DPP10: variants seen among roughly 807,000 people sequenced by gnomAD.
The protein encoded by DPP10 is dipeptidyl peptidase like 10, also known as inactive dipeptidyl peptidase 10.
DPP10 carries 33 observed loss-of-function variants against 120.9 expected under a neutral mutation model. The ratio of observed to expected loss-of-function variants is 0.27; its 90% CI spans 0.21 to 0.37. DPP10 has a LOEUF of 0.37. Among genes scored for constraint, DPP10 ranks in the 10% least tolerant of loss-of-function variants. DPP10 has a pLI of 1.00. For missense variants in DPP10, 816 were observed against 942.8 expected (o/e 0.87, Z 1.76); for synonymous variants, 337 against 326.1 (o/e 1.03, Z -0.36).
intron 1 of DPP10, among the ~76,000 whole-genome samples, chr2:114,702,627 A>G (rs1320093604): frequency 6.6e-6 from 1 of 152,100 alleles, no homozygotes; most frequent in South Asian, 2.1e-4. Context: ...TAAAATGCCT[A>G]TTTCATTCCT....
chr2:115,622,580 G>A (rs2085040529), intron 5 of DPP10, among the ~76,000 whole-genome samples: 1 of 141,220 alleles, frequency 7.1e-6, no homozygotes, highest in Non-Finnish European at 1.5e-5. Flanking sequence ...TAGGAGTACA[G>A]TTGCTGAGTC....
At chr2:115,692,421 A>AT (rs1271152416) in intron 7 of DPP10, among the ~76,000 whole-genome samples, 1 of 151,816 alleles carries the variant, frequency 6.6e-6, no homozygotes, top group Admixed American at 6.6e-5. Context: ...TGGATATGTG[A>AT]TTTTTTTCTT....
intron 17 of DPP10, among the ~76,000 whole-genome samples, chr2:115,783,291 T>C (rs773764001): frequency 4.9e-4 from 74 of 152,122 alleles, no homozygotes; most frequent in South Asian, 1.0e-3. Context: ...GTCATACTAA[T>C]AAATGGCAGA....
chr2:114,468,397 C>CAAAAAAAAAAAA lies in DPP10; in HGVS notation c.60+25572_60+25583dup, dbSNP rs71297186. On this transcript the variant is annotated intron_variant, in intron 1 of 25. Coordinates refer to ENST00000410059, the MANE Select transcript of DPP10 (RefSeq NM_020868.6). ...GGATGACCTTGTCAGGCTTACAATG[C>CAAAAAAAAAAAA]AAAAAAAAAAAAAAAAAAAAAAAAT... Among the ~76,000 whole-genome samples the CAAAAAAAAAAAA allele has an allele frequency of 2.3e-3, 161 of 69,506 alleles. 1 individual carries two copies. The highest frequency in any genetic ancestry group is 0.01 in the Middle Eastern group (1 of 100). The allele number at this position is 69,506 out of a possible 152,430, so 45.6% of individuals were successfully genotyped here. A position where few individuals can be genotyped will look rare whatever the true frequency, so the allele number is the denominator to read the frequency against.
chr2:115,201,995 G>T (rs895870826), intron 1 of DPP10, among the ~76,000 whole-genome samples: 1 of 152,252 alleles, frequency 6.6e-6, no homozygotes, highest in Middle Eastern at 3.4e-3. Context: ...GCATGATTCA[G>T]GGTTCTCAAT....
intron 1 of DPP10, among the ~76,000 whole-genome samples, chr2:115,030,504 G>A (rs1051981323): frequency 2.0e-5 from 3 of 152,022 alleles, no homozygotes; most frequent in Non-Finnish European, 4.4e-5. Context: ...TTTTAAGTTC[G>A]GGGTATGTGT....
intron 1 of DPP10, among the ~76,000 whole-genome samples, chr2:114,490,329 A>G (rs546876571): frequency 1.1e-4 from 16 of 152,300 alleles, no homozygotes; most frequent in African/African-American, 3.1e-4. Context: ...AACTCTGTGT[A>G]GGCATTTTCC....
At chr2:114,909,169 C>T (rs1388918315) in intron 1 of DPP10, among the ~76,000 whole-genome samples, 1 of 151,726 alleles carries the variant, frequency 6.6e-6, no homozygotes, top group Non-Finnish European at 1.5e-5. Context: ...CTGGTTTCAC[C>T]CACCTATCAG....
chr2:114,899,070 T>A (rs1412821283), intron 1 of DPP10, among the ~76,000 whole-genome samples: 1 of 152,010 alleles, frequency 6.6e-6, no homozygotes, highest in Non-Finnish European at 1.5e-5. Context: ...ATATGTTTTT[T>A]TTTTCTTTCC....
chr2:115,592,659 G>A (rs1288163435), intron 5 of DPP10, among the ~76,000 whole-genome samples: 2 of 152,146 alleles, frequency 1.3e-5, no homozygotes, highest in South Asian at 2.1e-4. Context: ...GCGAGGCTGA[G>A]GCCAGAGAAT....
intron 3 of DPP10, among the ~76,000 whole-genome samples, chr2:115,431,990 C>G (rs922504287): frequency 2.1e-4 from 32 of 152,158 alleles, no homozygotes; most frequent in African/African-American, 7.5e-4. Flanking sequence ...AACGGGAAAT[C>G]TGTATACTGT....
intron 3 of DPP10, among the ~76,000 whole-genome samples, chr2:115,399,278 T>C (rs928068402): frequency 6.6e-6 from 1 of 152,132 alleles, no homozygotes; most frequent in Non-Finnish European, 1.5e-5. Flanking sequence ...AAGAGAAGTA[T>C]TGGGTGGATA....
intron 1 of DPP10, among the ~76,000 whole-genome samples, chr2:114,928,574 G>T (rs955724273): frequency 2.3e-4 from 35 of 152,148 alleles, no homozygotes; most frequent in African/African-American, 8.0e-4. Flanking sequence ...GGTTGGAGTA[G>T]AATGCCTGTG....
chr2:115,332,282 A>AT (rs1451763744), intron 2 of DPP10, among the ~76,000 whole-genome samples: 23 of 151,856 alleles, frequency 1.5e-4, no homozygotes, highest in African/African-American at 5.1e-4. Flanking sequence ...CCCCTTTATC[A>AT]TTTTTTATTG....
At chr2:115,379,995 G>T (rs553082907) in intron 3 of DPP10, among the ~76,000 whole-genome samples, 2 of 152,200 alleles carry the variant, frequency 1.3e-5, no homozygotes, top group East Asian at 1.9e-4. Context: ...TTTTGGAATC[G>T]GTGTGGTGTG....
At chr2:115,379,951 C>A (rs1393873037) in intron 3 of DPP10, among the ~76,000 whole-genome samples, 4 of 152,124 alleles carry the variant, frequency 2.6e-5, no homozygotes, top group African/African-American at 9.7e-5. Flanking sequence ...TTTACATTTG[C>A]TGTGGAGAGC....
intron 3 of DPP10, among the ~76,000 whole-genome samples, chr2:115,407,043 G>T (rs762272954): frequency 2.0e-5 from 3 of 152,146 alleles, no homozygotes; most frequent in Admixed American, 1.3e-4. Flanking sequence ...TGTCAGCAAA[G>T]CGAGAGGGGT....
At chr2:115,829,095 G>A (rs1407928847) in intron 21 of DPP10, among the ~76,000 whole-genome samples, 2 of 152,018 alleles carry the variant, frequency 1.3e-5, no homozygotes, top group Non-Finnish European at 2.9e-5. Context: ...ATGCTTTCTT[G>A]GGTAATTTCT....
intron 5 of DPP10, among the ~76,000 whole-genome samples, chr2:115,629,637 C>T (rs1237031336): frequency 2.0e-5 from 3 of 152,100 alleles, no homozygotes; most frequent in Non-Finnish European, 2.9e-5. Flanking sequence ...TGTTCATATC[C>T]AGCACCATTT....
Sources: allele counts gnomAD v4.1 joint callset (sites outside exome capture counted in the v4.1 genomes callset), GRCh38; gene constraint gnomAD v4.1.1; transcripts MANE v1.5; gene names NCBI Gene and HGNC (gene_info 2026-07-23, HGNC 2026-07-21).